The following ELOVL6 variants were observed in gnomAD, a reference collection of about 807,000 sequenced individuals.
ELOVL6 encodes very long chain fatty acid elongase 6.
In ELOVL6, 8 loss-of-function variants were observed where a neutral mutation model predicts 31.7. The ratio of observed to expected loss-of-function variants is 0.25; its 90% CI spans 0.15 to 0.45. The LOEUF (loss-of-function observed/expected upper bound fraction) is 0.45, where lower values mean the gene tolerates loss of function less well. Among genes scored for constraint, ELOVL6 ranks in the 20% least tolerant of loss-of-function variants. The probability of loss-of-function intolerance (pLI) is 1.00; values close to 1 mark genes in which losing one functional copy is unlikely to be tolerated. For missense variants in ELOVL6, 126 were observed against 326.4 expected, an observed-to-expected ratio of 0.39 and a Z score of 4.73; for synonymous variants, 101 against 117.7, an observed-to-expected ratio of 0.86 and a Z score of 0.92.
intron 1 of ELOVL6, among the ~76,000 whole-genome samples, chr4:110,112,738 G>C (rs904687640): frequency 6.6e-6 from 1 of 151,974 alleles, no homozygotes; most frequent in African/African-American, 2.4e-5. Context: ...GCTGGGTGTG[G>C]TGGTACATGC....
chr4:110,125,747 A>C (rs1197514658), intron 1 of ELOVL6, among the ~76,000 whole-genome samples: 1 of 151,916 alleles, frequency 6.6e-6, no homozygotes, highest in African/African-American at 2.4e-5. Flanking sequence ...GAATCGCTTG[A>C]ACCTGGGAGG....
intron 1 of ELOVL6, among the ~76,000 whole-genome samples, chr4:110,130,402 G>A (rs947312767): frequency 6.6e-5 from 10 of 152,078 alleles, no homozygotes; most frequent in Admixed American, 3.9e-4. Flanking sequence ...CTGATCTGTG[G>A]GAGCTCTGTC....
At chr4:110,122,592 G>C (rs1757385470) in intron 1 of ELOVL6, among the ~76,000 whole-genome samples, 1 of 152,162 alleles carries the variant, frequency 6.6e-6, no homozygotes, top group South Asian at 2.1e-4. Flanking sequence ...TGCCCAGCCT[G>C]GTCTCAAACT....
intron 2 of ELOVL6, among the ~76,000 whole-genome samples, chr4:110,078,268 A>C (rs1178028268): frequency 3.3e-5 from 5 of 152,288 alleles, no homozygotes; most frequent in African/African-American, 4.8e-5. Context: ...AAGAAGAGCA[A>C]CTCCAAGACA....
At chr4:110,130,721 C>A (rs1470752808) in intron 1 of ELOVL6, among the ~76,000 whole-genome samples, 1 of 152,180 alleles carries the variant, frequency 6.6e-6, no homozygotes, top group Non-Finnish European at 1.5e-5. Flanking sequence ...CAAAACATAT[C>A]GTGTGGGCTG....
At chr4:110,084,129 G>GTTATATATGTTATATA (rs1756045223) in intron 2 of ELOVL6, among the ~76,000 whole-genome samples, 1 of 40,382 alleles carries the variant, frequency 2.5e-5, no homozygotes, top group African/African-American at 1.8e-4. Context: ...TAACATATAT[G>GTTATATATGTTATATA]TGATAATGAT....
At chr4:110,188,475 A>C (rs1759510602) in intron 1 of ELOVL6, among the ~76,000 whole-genome samples, 1 of 152,170 alleles carries the variant, frequency 6.6e-6, no homozygotes, top group Non-Finnish European at 1.5e-5. Flanking sequence ...AGCCTTATTC[A>C]AGCCTGGAAC....
chr4:110,150,642 G>C (rs995994154), intron 1 of ELOVL6, among the ~76,000 whole-genome samples: 2 of 152,074 alleles, frequency 1.3e-5, no homozygotes, highest in Admixed American at 6.6e-5. Context: ...CATTATTCTT[G>C]ACATTATTTA....
At position 110,051,449 on chromosome 4, in the gene ELOVL6, A is replaced by G. The variant is rs1754834401; in HGVS notation, c.687T>C (p.Phe229=). ...WMQHDQCHSH[F]QNIFWSSLMY... ...TGAGTGAGGACCAGAAGATGTTCTG[A>G]AAGTGAGAGTGACACTGGTCATGCT... Residue 229 remains phenylalanine (F), a synonymous_variant, in exon 4 of 4, where the codon TTT becomes TTC. Coordinates refer to ENST00000302274, the MANE Select transcript of ELOVL6 (RefSeq NM_024090.3). This position sits in a 1 kb window ranked among gnomAD's most constrained non-coding sequence, Gnocchi z 4.8. 1.2e-6 allele frequency: 2 copies of G among 1,614,214 alleles called. No homozygotes were observed. The highest frequency in any genetic ancestry group is 1.3e-5 in the African/African-American group (1 of 75,056).
rs879626765 is a variant in ELOVL6 at position 110,186,143 on chromosome 4, T to C, written c.89+12104A>G. ...AAGCGGAGGTTGCAGTGGGCCAAAA[T>C]TGCACCACTGTACTACAGCCTGGGC... On this transcript the variant is annotated intron_variant, in intron 1 of 3. Coordinates refer to ENST00000302274, the MANE Select transcript of ELOVL6 (RefSeq NM_024090.3). 5.5e-4 allele frequency among the ~76,000 whole-genome samples: 84 copies of C among 151,814 alleles called. 1 individual carries two copies. Among genetic ancestry groups the C allele is most frequent in the Admixed American group, 1.7e-3 (26 of 15,238 alleles).
intron 1 of ELOVL6, among the ~76,000 whole-genome samples, chr4:110,141,581 T>A (rs1363089234): frequency 6.6e-6 from 1 of 151,594 alleles, no homozygotes; most frequent in Non-Finnish European, 1.5e-5. Flanking sequence ...GGAGGGGCGA[T>A]CCTAACCTTG....
intron 1 of ELOVL6, among the ~76,000 whole-genome samples, chr4:110,144,054 C>CA (rs10716398): frequency 0.048 from 4,108 of 85,482 alleles, 220 homozygotes; most frequent in African/African-American, 0.13. Context: ...AACTCCATCT[C>CA]AAAAAAAAAA....
At chr4:110,119,346 T>C (rs1308142468) in intron 1 of ELOVL6, among the ~76,000 whole-genome samples, 1 of 152,206 alleles carries the variant, frequency 6.6e-6, no homozygotes, top group African/African-American at 2.4e-5. Context: ...AGTATATCAA[T>C]TGAGATGGAC....
At chr4:110,105,941 A>G (rs10034148) in intron 1 of ELOVL6, among the ~76,000 whole-genome samples, 47,203 of 152,152 alleles carry the variant, frequency 0.31, 8,435 homozygotes, top group East Asian at 0.71. Flanking sequence ...CACTGAGAGA[A>G]ATAATTTTAT....
intron 2 of ELOVL6, among the ~76,000 whole-genome samples, chr4:110,086,572 G>T (rs1278967586): frequency 6.6e-6 from 1 of 152,130 alleles, no homozygotes; most frequent in Admixed American, 6.6e-5. Flanking sequence ...CTCTCCCTCA[G>T]AAGTTCCTAA....
intron 1 of ELOVL6, among the ~76,000 whole-genome samples, chr4:110,150,807 C>G (rs999772299): frequency 8.5e-5 from 13 of 152,210 alleles, no homozygotes; most frequent in African/African-American, 3.1e-4. Context: ...CTTTGGGAAG[C>G]CGAGGTGGAC....
intron 1 of ELOVL6, among the ~76,000 whole-genome samples, chr4:110,108,860 G>A (rs1044289528): frequency 6.6e-6 from 1 of 152,132 alleles, no homozygotes; most frequent in African/African-American, 2.4e-5. Context: ...CAAATCCTTG[G>A]GGTTAGTTTG....
intron 2 of ELOVL6, among the ~76,000 whole-genome samples, chr4:110,097,103 C>T (rs910738901): frequency 6.6e-6 from 1 of 151,964 alleles, no homozygotes; most frequent in African/African-American, 2.4e-5. Context: ...GTCAGGAGTT[C>T]AAGACCAGCC....
At chr4:110,063,952 C>G (rs1755221561) in intron 2 of ELOVL6, among the ~76,000 whole-genome samples, 1 of 151,302 alleles carries the variant, frequency 6.6e-6, no homozygotes, top group African/African-American at 2.4e-5. Context: ...GTGGTACACG[C>G]CTGTAATCCT....
Sources: allele counts gnomAD v4.1 joint callset (sites outside exome capture counted in the v4.1 genomes callset), GRCh38; gene constraint gnomAD v4.1.1; non-coding constraint Gnocchi (gnomAD v3.1); transcripts MANE v1.5; gene names NCBI Gene and HGNC (gene_info 2026-07-23, HGNC 2026-07-21).